The following GNG2 variants were observed in gnomAD, a reference collection of about 807,000 sequenced individuals.
GNG2 encodes the protein guanine nucleotide-binding protein G(I)/G(S)/G(O) subunit gamma-2.
A neutral mutation model predicts 5.5 loss-of-function variants in GNG2; 5 were observed. The observed-to-expected ratio is 0.91, with a 90% confidence interval of 0.48 to 1.92. GNG2 has a LOEUF of 1.92. Ranked by LOEUF, GNG2 falls within the 30% of genes most tolerant of loss-of-function variation. GNG2 has a pLI of 0.01. For missense variants in GNG2, 55 were observed against 88.4 expected (o/e 0.62, Z 1.52); for synonymous variants, 28 against 32.0 (o/e 0.88, Z 0.42).
chr14:51,914,193 G>C (rs779522588), intron 2 of GNG2: 33 of 701,992 alleles, frequency 4.7e-5, no homozygotes, highest in Middle Eastern at 4.6e-4. Context: ...CCACCACTCT[G>C]ATTCTAGCTG....
rs1555359303 is a variant in GNG2, at chr14:51,966,971, C to CG, written c.*284_*285insG. ...TTTCTGCTATCCCCCAGCCCCCCCC[C>CG]CAAAATCCTCATGTTTCTGCTTCAT... On this transcript the variant is annotated 3_prime_UTR_variant, in exon 4 of 4. Transcript: ENST00000556766. The CG allele has an allele frequency of 1.1e-5, 2 of 179,756 alleles. No homozygotes were observed. The highest frequency in any genetic ancestry group is 5.0e-5 in the African/African-American group (2 of 39,968). 11.1% of individuals were successfully genotyped at this position (179,756 alleles called of 1,614,324 possible).
chr14:51,864,760 C>T (rs1298117835), intron 1 of GNG2, among the ~76,000 whole-genome samples: 1 of 152,052 alleles, frequency 6.6e-6, no homozygotes, highest in African/African-American at 2.4e-5. Flanking sequence ...GGTATCATGG[C>T]CAGAAAGGGA....
chr14:51,959,275 C>T (rs763276350), intron 3 of GNG2, among the ~76,000 whole-genome samples: 2 of 152,142 alleles, frequency 1.3e-5, no homozygotes, highest in Non-Finnish European at 2.9e-5. Context: ...ACTCCAGCAT[C>T]ATACATCTCA....
chr14:51,870,616 A>T (rs1883235624), intron 1 of GNG2, among the ~76,000 whole-genome samples: 1 of 152,200 alleles, frequency 6.6e-6, no homozygotes, highest in Non-Finnish European at 1.5e-5. Context: ...TTCTCTAGAG[A>T]GGTAGGTATT....
intron 2 of GNG2, among the ~76,000 whole-genome samples, chr14:51,943,289 T>G (rs2140270335): frequency 6.6e-6 from 1 of 152,368 alleles, no homozygotes; most frequent in East Asian, 1.9e-4. Flanking sequence ...GAGGTATGTA[T>G]GTTTTGAAGC....
At chr14:51,828,100 G>T (rs1881076764) in intron 2 of GNG2, among the ~76,000 whole-genome samples, 1 of 152,184 alleles carries the variant, frequency 6.6e-6, no homozygotes, top group Non-Finnish European at 1.5e-5. Context: ...TGAGTTATTT[G>T]GTGCCACTGT....
chr14:51,891,245 A>T (rs778920491), intron 2 of GNG2, among the ~76,000 whole-genome samples: 31 of 152,150 alleles, frequency 2.0e-4, no homozygotes, highest in Non-Finnish European at 4.1e-4. Flanking sequence ...AAATAGAAGG[A>T]GGTAAAGAAT....
chr14:51,848,895 G>T (rs1379479937), intron 2 of GNG2, among the ~76,000 whole-genome samples: 2 of 152,178 alleles, frequency 1.3e-5, no homozygotes, highest in African/African-American at 4.8e-5. Context: ...CTACCCGCTG[G>T]TCTAACACAG....
chr14:51,885,485 T>C (rs1287792350), intron 2 of GNG2, among the ~76,000 whole-genome samples: 1 of 152,108 alleles, frequency 6.6e-6, no homozygotes, highest in Non-Finnish European at 1.5e-5. Flanking sequence ...AATACTCTTT[T>C]AAGTTCTAAT....
At chr14:51,955,898 C>T (rs1346546585) in intron 3 of GNG2, among the ~76,000 whole-genome samples, 1 of 152,134 alleles carries the variant, frequency 6.6e-6, no homozygotes, top group African/African-American at 2.4e-5. Context: ...ATGATTAAGT[C>T]ATCTTTATGA....
intron 2 of GNG2, chr14:51,918,472 A>C (rs962974395): frequency 1.3e-5 from 2 of 152,214 alleles, no homozygotes; most frequent in Non-Finnish European, 2.9e-5. Context: ...AATTATCCCA[A>C]CTTACACAAA....
intron 2 of GNG2, among the ~76,000 whole-genome samples, chr14:51,926,761 G>A (rs1594924602): frequency 6.6e-6 from 1 of 152,078 alleles, no homozygotes; most frequent in East Asian, 1.9e-4. Context: ...AAGGGTCCCT[G>A]TTTCCCTTTT....
intron 2 of GNG2, among the ~76,000 whole-genome samples, chr14:51,902,167 T>C (rs1380224389): frequency 6.6e-6 from 1 of 152,132 alleles, no homozygotes; most frequent in Non-Finnish European, 1.5e-5. Flanking sequence ...TATTAAATAT[T>C]TTTATTTTGA....
rs34308582 is a variant in GNG2 at position 51,901,963 on chromosome 14, T to TAA, written c.-30+24334_-30+24335dup. Reference sequence around the variant, plus strand: ...CAACTAAGATCACAATAACAATCTGTAAAAAAAAAAAAAAAAAAAAAAAAA... The same window carrying TAA: ...CAACTAAGATCACAATAACAATCTGTAAAAAAAAAAAAAAAAAAAAAAAAAAA... On this transcript the variant is annotated intron_variant, in intron 2 of 3. Transcript: ENST00000556766. 5.5e-3 allele frequency among the ~76,000 whole-genome samples: 312 copies of TAA among 56,448 alleles called. 17 individuals carry two copies. The highest frequency in any genetic ancestry group is 0.02 in the African/African-American group (299 of 15,060). 37.0% of individuals were successfully genotyped at this position (56,448 alleles called of 152,430 possible). A position where few individuals can be genotyped will look rare whatever the true frequency, so the allele number is the denominator to read the frequency against.
intron 3 of GNG2, among the ~76,000 whole-genome samples, 178 bp from the exon 4 acceptor site, chr14:51,966,381 C>T (rs987954802): frequency 1.3e-5 from 2 of 152,260 alleles, no homozygotes; most frequent in South Asian, 2.1e-4. Flanking sequence ...GGCAACAATC[C>T]TGTAAGGTCA....
At chr14:51,908,736 ATT>A (rs3030340) in intron 2 of GNG2, among the ~76,000 whole-genome samples, 8 of 89,878 alleles carry the variant, frequency 8.9e-5, no homozygotes, top group Admixed American at 3.1e-4. Context: ...CACCCAGCTA[ATT>A]TTTTTTTTTT....
intron 2 of GNG2, among the ~76,000 whole-genome samples, chr14:51,838,058 T>G (rs1226748889): frequency 6.6e-6 from 1 of 152,114 alleles, no homozygotes; most frequent in Admixed American, 6.5e-5. Flanking sequence ...CCACTGACAC[T>G]GAAAAGACTT....
At chr14:51,906,545 A>G (rs1037397070) in intron 2 of GNG2, among the ~76,000 whole-genome samples, 1 of 152,186 alleles carries the variant, frequency 6.6e-6, no homozygotes, top group African/African-American at 2.4e-5. Context: ...TTTGAATTGG[A>G]AAAGATTTCT....
chr14:51,951,961 TA>T, intron 3 of GNG2: 1 of 692,342 alleles, frequency 1.4e-6, no homozygotes, highest in South Asian at 1.5e-5. Flanking sequence ...GAGAGCTCTA[TA>T]AAAGGACCAA....
Sources: allele counts gnomAD v4.1 joint callset (sites outside exome capture counted in the v4.1 genomes callset), GRCh38; gene constraint gnomAD v4.1.1; transcripts MANE v1.5; gene names NCBI Gene and HGNC (gene_info 2026-07-23, HGNC 2026-07-21).